Variants in FUT8 observed in about 807,000 individuals in gnomAD.
FUT8 encodes the protein alpha-(1,6)-fucosyltransferase.
FUT8 carries 29 observed loss-of-function variants against 71.3 expected under a neutral mutation model. The observed-to-expected ratio is 0.41, with a 90% CI of 0.30 to 0.55. The LOEUF (loss-of-function observed/expected upper bound fraction) is 0.55, where lower values mean the gene tolerates loss of function less well. Among genes scored for constraint, FUT8 ranks in the 20% least tolerant of loss-of-function variants. FUT8 has a pLI of 0.34. For synonymous variants in FUT8, 254 were observed against 239.3 expected, an observed-to-expected ratio of 1.06 and a Z score of -0.57; for missense variants, 544 against 702.1, an observed-to-expected ratio of 0.77 and a Z score of 2.55.
chr14:65,462,052 G>T (rs1450073610), intron 2 of FUT8, among the ~76,000 whole-genome samples: 1 of 152,154 alleles, frequency 6.6e-6, no homozygotes, highest in African/African-American at 2.4e-5. Context: ...TTTGAGGCCT[G>T]AGGAAGAGAA....
chr14:65,677,151 T>TGTGTGTGTGTGCGTGCGC lies in FUT8; in HGVS notation c.835+7672_835+7673insTGTGTGTGTGCGTGCGCG. Among the ~76,000 whole-genome samples the TGTGTGTGTGTGCGTGCGC allele has an allele frequency of 9.9e-5, 11 of 110,744 alleles. No homozygotes were observed. The South Asian group carries it at 1.5e-3, about 15-fold the overall frequency. The allele number at this position is 110,744 out of a possible 152,430, so 72.7% of individuals were successfully genotyped here. ...GTGTGTGTGTGTGTGTGTGTGTGTG[T>TGTGTGTGTGTGCGTGCGC]GCGCGCGCGCATGCGCGCGCACGTA... On this transcript the variant is annotated intron_variant, in intron 7 of 10. Coordinates refer to ENST00000673929, the MANE Select transcript of FUT8 (RefSeq NM_001371533.1).
chr14:65,610,157 T>G (rs1018424633), intron 3 of FUT8, among the ~76,000 whole-genome samples: 6 of 151,954 alleles, frequency 3.9e-5, no homozygotes, highest in African/African-American at 1.4e-4. Context: ...ATAGCTTTGC[T>G]TCTTTCATTC....
At chr14:65,608,132 A>G (rs1888683555) in intron 3 of FUT8, among the ~76,000 whole-genome samples, 1 of 151,696 alleles carries the variant, frequency 6.6e-6, no homozygotes, top group Non-Finnish European at 1.5e-5. Flanking sequence ...GACCACTGAA[A>G]ATTTTTATAT....
intron 3 of FUT8, among the ~76,000 whole-genome samples, chr14:65,562,488 A>G (rs1885967293): frequency 6.6e-6 from 1 of 152,106 alleles, no homozygotes; most frequent in Non-Finnish European, 1.5e-5. Context: ...TTGAAAACCA[A>G]AGTCTCCTAT....
chr14:65,717,119 G>A (rs375988357), intron 7 of FUT8, among the ~76,000 whole-genome samples: 9 of 141,622 alleles, frequency 6.4e-5, no homozygotes, highest in Admixed American at 2.1e-4. Flanking sequence ...ACGGGCAGCC[G>A]GGCAGAGGCG....
chr14:65,487,138 AT>A (rs1566779315), intron 2 of FUT8, among the ~76,000 whole-genome samples: 1 of 152,168 alleles, frequency 6.6e-6, no homozygotes. Flanking sequence ...GGATGGTGGA[AT>A]TTTTTTATAG....
chr14:65,378,073 T>C, the FUT8 span, among the ~76,000 whole-genome samples: 1 of 152,228 alleles, frequency 6.6e-6, no homozygotes, highest in Admixed American at 6.5e-5. Context: ...TAGTATCAGC[T>C]GTTACTTATT....
chr14:65,394,821 C>T, the FUT8 span, among the ~76,000 whole-genome samples: 1 of 151,092 alleles, frequency 6.6e-6, no homozygotes, highest in Non-Finnish European at 1.5e-5. Context: ...TCTTAGCTCA[C>T]CACAACCTCT....
At chr14:65,664,111 T>A (rs1046045887) in intron 6 of FUT8, among the ~76,000 whole-genome samples, 1 of 152,104 alleles carries the variant, frequency 6.6e-6, no homozygotes, top group African/African-American at 2.4e-5. Context: ...GAAGAAGATA[T>A]GAGGGACATT....
intron 2 of FUT8, among the ~76,000 whole-genome samples, chr14:65,458,586 A>C (rs746525053): frequency 7.2e-5 from 11 of 152,294 alleles, no homozygotes; most frequent in Non-Finnish European, 1.5e-4. Flanking sequence ...TGACTCAGAA[A>C]ATGTAGGATG....
Position 65,669,467 on chromosome 14 carries a change from T to G in FUT8, c.822T>G (p.Thr274=), listed in dbSNP as rs371271925. ...ETCTDRSGIS[T]GHWSGEVKDK... Reference sequence around the variant, plus strand: ...GCACAGACAGATCTGGCATCTCCACTGGACACTGGTCAGGTAAGGAGCTTG... The same window carrying G: ...GCACAGACAGATCTGGCATCTCCACGGGACACTGGTCAGGTAAGGAGCTTG... The change falls in exon 7 of 11, where the codon ACT becomes ACG. Residue 274 remains threonine, a synonymous_variant. Transcript: ENST00000673929. This position sits in a 1 kb window ranked among gnomAD's most constrained non-coding sequence, Gnocchi z 4.5. 1.7e-5 allele frequency: 27 copies of G among 1,611,722 alleles called. No homozygotes were observed. Among genetic ancestry groups the G allele is most frequent in the East Asian group, 6.7e-5 (3 of 44,868 alleles).
chr14:65,370,309 G>A, the FUT8 span, among the ~76,000 whole-genome samples: 1 of 140,936 alleles, frequency 7.1e-6, no homozygotes, highest in African/African-American at 2.6e-5. Context: ...CCGGGTTCAC[G>A]CCATTCTCCC....
chr14:65,569,036 A>G (rs10130526), intron 3 of FUT8, among the ~76,000 whole-genome samples: 1 of 151,814 alleles, frequency 6.6e-6, no homozygotes, highest in Admixed American at 6.6e-5. Flanking sequence ...GTAATTTTTA[A>G]AAGCATTTAA....
chr14:65,600,586 G>A (rs1417672365), intron 3 of FUT8, among the ~76,000 whole-genome samples: 1 of 152,104 alleles, frequency 6.6e-6, no homozygotes, highest in Non-Finnish European at 1.5e-5. Context: ...ATATTTTGCA[G>A]CTGTTAAAAT....
intron 2 of FUT8, among the ~76,000 whole-genome samples, chr14:65,554,598 G>A (rs1442442826): frequency 6.6e-6 from 1 of 152,008 alleles, no homozygotes; most frequent in African/African-American, 2.4e-5. Flanking sequence ...ATTGGGATGG[G>A]GCAGAGATTG....
At chr14:65,648,295 A>G (rs918514496) in intron 6 of FUT8, among the ~76,000 whole-genome samples, 1 of 152,068 alleles carries the variant, frequency 6.6e-6, no homozygotes, top group East Asian at 1.9e-4. Flanking sequence ...TTTTCCTCCT[A>G]TTTTCCTTTT....
intron 1 of FUT8, among the ~76,000 whole-genome samples, chr14:65,416,379 C>T (rs1413796439): frequency 2.0e-5 from 3 of 151,248 alleles, no homozygotes; most frequent in African/African-American, 7.3e-5. Flanking sequence ...CCTTGAACTC[C>T]TGGGCTCAAG....
At chr14:65,539,752 A>G (rs969518450) in intron 2 of FUT8, among the ~76,000 whole-genome samples, 2 of 152,212 alleles carry the variant, frequency 1.3e-5, no homozygotes, top group Non-Finnish European at 2.9e-5. Flanking sequence ...GGTTCCTAGT[A>G]CATTTTCAGC....
At chr14:65,670,148 T>G (rs574589002) in intron 7 of FUT8, among the ~76,000 whole-genome samples, 20 of 152,314 alleles carry the variant, frequency 1.3e-4, no homozygotes, top group African/African-American at 4.8e-4. Context: ...GAAATTTCCT[T>G]TCTCTCCAAG....
Sources: gnomAD v4.1 joint callset for allele counts (sites outside exome capture counted in the v4.1 genomes callset) on GRCh38, gnomAD v4.1.1 for gene constraint, Gnocchi (gnomAD v3.1) non-coding constraint, MANE v1.5 for transcripts, NCBI Gene and HGNC (gene_info 2026-07-23, HGNC 2026-07-21) for gene names.